Variants in LINGO2 observed in about 807,000 individuals in gnomAD.
LINGO2 encodes leucine rich repeat and Ig domain containing 2.
Under a neutral mutation model 30.6 loss-of-function variants are expected in LINGO2, and 14 were observed. The ratio of observed to expected loss-of-function variants is 0.46; its 90% CI spans 0.30 to 0.72. The LOEUF (loss-of-function observed/expected upper bound fraction) is 0.72, where lower values mean the gene tolerates loss of function less well. Ranked by LOEUF, LINGO2 falls within the 30% of genes least tolerant of loss-of-function variation. The probability of loss-of-function intolerance (pLI) is 0.07; values close to 1 mark genes in which losing one functional copy is unlikely to be tolerated. For missense variants in LINGO2, 729 were observed against 751.7 expected, an observed-to-expected ratio of 0.97 and a Z score of 0.35; for synonymous variants, 317 against 288.5, an observed-to-expected ratio of 1.10 and a Z score of -1.00.
chr9:28,641,808 G>T (rs1827600448), intron 1 of LINGO2, among the ~76,000 whole-genome samples: 1 of 152,188 alleles, frequency 6.6e-6, no homozygotes, highest in African/African-American at 2.4e-5. Context: ...GCAGTGGAGA[G>T]AAGGAAAGCA....
chr9:28,293,278 T>G (rs1823803766), intron 4 of LINGO2, among the ~76,000 whole-genome samples: 1 of 152,062 alleles, frequency 6.6e-6, no homozygotes, highest in Middle Eastern at 3.4e-3. Context: ...TTTAAAATTT[T>G]ATAGAGATGA....
intron 3 of LINGO2, among the ~76,000 whole-genome samples, chr9:28,326,303 C>A (rs1378562909): frequency 6.6e-6 from 1 of 152,168 alleles, no homozygotes; most frequent in Non-Finnish European, 1.5e-5. Context: ...CCACACCCGG[C>A]CACAAACTGT....
At position 27,950,294 on chromosome 9, in the gene LINGO2, C is replaced by CGT. The variant is rs1563847846; in HGVS notation, c.376_377dup (p.Gly127ArgfsTer20). 6.2e-7 allele frequency: 1 copy of CGT among 1,614,066 alleles called. No individual in the cohort carries two copies. Among genetic ancestry groups the CGT allele is most frequent in the Non-Finnish European group, 8.5e-7 (1 of 1,179,988 alleles). ...CAAGCTTAGTGAGATTGGACAGCCC[C>CGT]GTGAATACTCCCAAAGGGACCAGCT... On this transcript the variant is annotated frameshift_variant, in exon 6 of 6. Coordinates refer to ENST00000379992, the Ensembl canonical transcript of LINGO2. LOFTEE classifies it high-confidence loss of function.
the LINGO2 span, among the ~76,000 whole-genome samples, chr9:28,799,187 T>C: frequency 0.041 from 6,314 of 152,150 alleles, 197 homozygotes; most frequent in Admixed American, 0.081. Context: ...AGGAGTAGTG[T>C]TAGAAAGAGT....
chr9:28,405,651 T>C (rs1358164254), intron 2 of LINGO2, among the ~76,000 whole-genome samples: 1 of 152,190 alleles, frequency 6.6e-6, no homozygotes, highest in Admixed American at 6.5e-5. Context: ...AGAATTACTT[T>C]ATTGCTGTGC....
chr9:28,829,497 T>C, the LINGO2 span, among the ~76,000 whole-genome samples: 1 of 152,216 alleles, frequency 6.6e-6, no homozygotes, highest in Admixed American at 6.5e-5. Context: ...TCCTTTGGCT[T>C]CAGGGGATAA....
the LINGO2 span, among the ~76,000 whole-genome samples, chr9:28,784,006 T>C: frequency 1.3e-5 from 2 of 152,178 alleles, no homozygotes; most frequent in Admixed American, 6.6e-5. Context: ...AACCTAATTA[T>C]CTTCGAAAGT....
At chr9:28,023,370 G>A (rs2383756) in intron 4 of LINGO2, among the ~76,000 whole-genome samples, 142,137 of 144,020 alleles carry the variant, frequency 0.99, 70,161 homozygotes, top group Middle Eastern at 1. Context: ...AGGAATTAGA[G>A]GCTTCAAATT....
the LINGO2 span, among the ~76,000 whole-genome samples, chr9:28,983,087 T>C: frequency 2.0e-5 from 3 of 152,084 alleles, no homozygotes; most frequent in South Asian, 6.2e-4. Context: ...ATGCTGCCAA[T>C]TTCAAGTTAT....
chr9:29,025,541 A>AT, the LINGO2 span, among the ~76,000 whole-genome samples: 18 of 152,038 alleles, frequency 1.2e-4, no homozygotes, highest in Admixed American at 3.9e-4. Context: ...TTTGAGATTC[A>AT]TTTTTTTTCA....
chr9:28,225,292 A>G (rs1357901509), intron 4 of LINGO2, among the ~76,000 whole-genome samples: 3 of 152,154 alleles, frequency 2.0e-5, no homozygotes, highest in Non-Finnish European at 4.4e-5. Context: ...AGATTTTTAA[A>G]ATTATAATTA....
At chr9:28,461,468 G>C (rs757112298) in intron 2 of LINGO2, among the ~76,000 whole-genome samples, 1 of 152,122 alleles carries the variant, frequency 6.6e-6, no homozygotes, top group South Asian at 2.1e-4. Flanking sequence ...TAATGACTTA[G>C]GTTGGGCATG....
intron 4 of LINGO2, among the ~76,000 whole-genome samples, chr9:28,020,567 AAAAC>A (rs139119462): frequency 0.13 from 17,254 of 135,460 alleles, 1,111 homozygotes; most frequent in South Asian, 0.19. Flanking sequence ...AAAACAAAAC[AAAAC>A]AAACAAAACA....
At chr9:28,431,058 G>C (rs1823654835) in intron 2 of LINGO2, among the ~76,000 whole-genome samples, 1 of 151,624 alleles carries the variant, frequency 6.6e-6, no homozygotes, top group Admixed American at 6.6e-5. Context: ...GAGAGAGAGA[G>C]AGAGAGAGAG....
the LINGO2 span, among the ~76,000 whole-genome samples, chr9:28,883,628 G>GTGTGTA: frequency 5.3e-4 from 34 of 64,172 alleles, no homozygotes; most frequent in South Asian, 1.3e-3. Context: ...ATGTGTGTGT[G>GTGTGTA]TATATATATA....
At chr9:28,842,181 T>C in the LINGO2 span, among the ~76,000 whole-genome samples, 2 of 151,882 alleles carry the variant, frequency 1.3e-5, no homozygotes, top group Non-Finnish European at 2.9e-5. Flanking sequence ...GGGCTGTCCC[T>C]GTCCCCTGAG....
intron 5 of LINGO2, among the ~76,000 whole-genome samples, chr9:28,007,059 G>C (rs1292934875): frequency 1.3e-5 from 2 of 152,082 alleles, no homozygotes; most frequent in Non-Finnish European, 1.5e-5. Context: ...TAGTCTGTTA[G>C]TTTGCTTTTA....
chr9:28,593,345 T>C (rs990829184), intron 1 of LINGO2, among the ~76,000 whole-genome samples: 12 of 152,108 alleles, frequency 7.9e-5, no homozygotes, highest in Non-Finnish European at 1.6e-4. Flanking sequence ...GATACTATTA[T>C]CCCTATTTAC....
At chr9:28,722,820 C>T in the LINGO2 span, among the ~76,000 whole-genome samples, 1 of 152,174 alleles carries the variant, frequency 6.6e-6, no homozygotes, top group African/African-American at 2.4e-5. Flanking sequence ...TGTTTGCCAG[C>T]CTTGTGATAA....
Sources: allele counts gnomAD v4.1 joint callset (sites outside exome capture counted in the v4.1 genomes callset), GRCh38; gene constraint gnomAD v4.1.1; transcripts MANE v1.5; gene names NCBI Gene and HGNC (gene_info 2026-07-23, HGNC 2026-07-21).